CNTNAP2: variants seen among roughly 807,000 people sequenced by gnomAD.
The protein encoded by CNTNAP2 is contactin associated protein 2.
CNTNAP2 carries 98 observed loss-of-function variants against 155.2 expected under a neutral mutation model. The observed-to-expected ratio is 0.63, with a 90% CI of 0.54 to 0.75. The LOEUF is 0.75. CNTNAP2 is among the 30% of genes least tolerant of loss of function. The pLI, the probability that CNTNAP2 is intolerant of heterozygous loss-of-function variation, is 0.00. For synonymous variants in CNTNAP2, 651 were observed against 631.2 expected, an observed-to-expected ratio of 1.03 and a Z score of -0.47; for missense variants, 1,727 against 1,688.1, an observed-to-expected ratio of 1.02 and a Z score of -0.40.
intron 1 of CNTNAP2, among the ~76,000 whole-genome samples, chr7:146,377,552 A>G (rs573960139): frequency 6.6e-6 from 1 of 152,082 alleles, no homozygotes; most frequent in African/African-American, 2.4e-5. Flanking sequence ...GTCTAATGAG[A>G]ATCTGAAACA....
rs1799363702 is a variant in CNTNAP2, at chr7:146,623,268, C to T, written c.98-151003C>T. The stretch of plus-strand genomic sequence containing the variant: ...CACATTCTGCCTTCTGACATGTGAT[C>T]CTGACTTCCTGCATACGTTTTAAAG... On this transcript the variant is annotated intron_variant, in intron 1 of 23. Coordinates refer to ENST00000361727, the MANE Select transcript of CNTNAP2 (RefSeq NM_014141.6). 2.6e-5 allele frequency among the ~76,000 whole-genome samples: 4 copies of T among 152,102 alleles called. No individual in the cohort carries two copies. In the South Asian group the frequency reaches 8.3e-4, roughly 32 times the overall value.
chr7:148,309,118 T>C (rs1345246231), intron 21 of CNTNAP2, among the ~76,000 whole-genome samples: 1 of 152,192 alleles, frequency 6.6e-6, no homozygotes, highest in African/African-American at 2.4e-5. Flanking sequence ...GGTCAAATGG[T>C]ATTTCTGGTT....
intron 13 of CNTNAP2, among the ~76,000 whole-genome samples, chr7:147,810,881 C>T (rs562844511): frequency 3.9e-4 from 60 of 152,196 alleles, no homozygotes; most frequent in African/African-American, 1.3e-3. Context: ...AAGCAAGAAC[C>T]GGGGTTCCTC....
At chr7:146,700,153 C>T (rs1800851151) in intron 1 of CNTNAP2, among the ~76,000 whole-genome samples, 1 of 152,058 alleles carries the variant, frequency 6.6e-6, no homozygotes, top group Non-Finnish European at 1.5e-5. Flanking sequence ...GTTTTCATCC[C>T]TCAAACTAGT....
intron 1 of CNTNAP2, among the ~76,000 whole-genome samples, chr7:146,474,990 C>T (rs114498659): frequency 0.012 from 1,761 of 141,512 alleles, 31 homozygotes; most frequent in African/African-American, 0.046. Flanking sequence ...TGCCTGAGCA[C>T]GAGCGCGCAC....
chr7:147,547,601 GTT>G (rs750104043), intron 11 of CNTNAP2, among the ~76,000 whole-genome samples: 3 of 148,202 alleles, frequency 2.0e-5, no homozygotes, highest in Non-Finnish European at 4.5e-5. Context: ...TTTTATTTTT[GTT>G]TTTTTGTTTT....
At chr7:146,596,645 G>T (rs1419324974) in intron 1 of CNTNAP2, among the ~76,000 whole-genome samples, 3 of 146,134 alleles carry the variant, frequency 2.1e-5, no homozygotes, top group Non-Finnish European at 4.5e-5. Flanking sequence ...GAGAGAAATT[G>T]TTGAGGGGCT....
intron 1 of CNTNAP2, among the ~76,000 whole-genome samples, chr7:146,175,098 C>T (rs746356702): frequency 1.4e-4 from 21 of 152,128 alleles, no homozygotes; most frequent in South Asian, 4.2e-4. Flanking sequence ...CTGAAACCAG[C>T]TGTTAGAGGA....
At chr7:146,452,362 C>G (rs559827125) in intron 1 of CNTNAP2, among the ~76,000 whole-genome samples, 2 of 152,238 alleles carry the variant, frequency 1.3e-5, no homozygotes, top group East Asian at 3.9e-4. Flanking sequence ...AGTACATAAT[C>G]TATGACATGT....
intron 9 of CNTNAP2, among the ~76,000 whole-genome samples, chr7:147,361,375 C>G (rs962253360): frequency 2.0e-5 from 3 of 152,260 alleles, no homozygotes; most frequent in African/African-American, 4.8e-5. Flanking sequence ...GCATGCTTTG[C>G]AATTTTCAAC....
chr7:148,285,002 G>C (rs1422652045), intron 21 of CNTNAP2, among the ~76,000 whole-genome samples: 5 of 152,200 alleles, frequency 3.3e-5, no homozygotes, highest in Admixed American at 3.3e-4. Flanking sequence ...AGGAAGAATA[G>C]AGCAGTTGTA....
intron 17 of CNTNAP2, among the ~76,000 whole-genome samples, chr7:148,148,269 C>CT (rs1805232930): frequency 6.6e-6 from 1 of 152,284 alleles, no homozygotes; most frequent in Admixed American, 6.5e-5. Flanking sequence ...AAAAGTTAAA[C>CT]TACCTATGCA....
chr7:147,993,002 G>T (rs1801742492), intron 15 of CNTNAP2, among the ~76,000 whole-genome samples: 1 of 152,130 alleles, frequency 6.6e-6, no homozygotes, highest in Non-Finnish European at 1.5e-5. Flanking sequence ...CTTAAAAGAT[G>T]GCCTTTCATT....
intron 10 of CNTNAP2, among the ~76,000 whole-genome samples, chr7:147,403,105 G>A (rs1415099290): frequency 1.3e-5 from 2 of 152,104 alleles, no homozygotes; most frequent in Non-Finnish European, 2.9e-5. Context: ...GCTTCATCTG[G>A]ATGATCAAAG....
At chr7:147,787,929 C>T (rs759691007) in intron 13 of CNTNAP2, among the ~76,000 whole-genome samples, 17 of 152,264 alleles carry the variant, frequency 1.1e-4, no homozygotes, top group Middle Eastern at 3.4e-3. Context: ...AAATAAGTGA[C>T]TAAAGATGGG....
chr7:146,168,872 A>T (rs2116814915), intron 1 of CNTNAP2, among the ~76,000 whole-genome samples: 1 of 152,292 alleles, frequency 6.6e-6, no homozygotes, highest in Non-Finnish European at 1.5e-5. Flanking sequence ...TGTCCATTTC[A>T]CTCAGGATAC....
At chr7:146,333,560 T>C (rs1207708978) in intron 1 of CNTNAP2, among the ~76,000 whole-genome samples, 1 of 152,330 alleles carries the variant, frequency 6.6e-6, no homozygotes, top group African/African-American at 2.4e-5. Context: ...CATGTTTTTA[T>C]GTAAGGAGAG....
chr7:147,160,748 A>C (rs895830873), intron 8 of CNTNAP2, among the ~76,000 whole-genome samples: 1 of 152,128 alleles, frequency 6.6e-6, no homozygotes, highest in Admixed American at 6.6e-5. Context: ...TGTAATATTT[A>C]AGCTAAAATA....
At chr7:147,683,381 A>C (rs1795974919) in intron 13 of CNTNAP2, among the ~76,000 whole-genome samples, 1 of 151,850 alleles carries the variant, frequency 6.6e-6, no homozygotes, top group African/African-American at 2.4e-5. Context: ...TATGTGTGTA[A>C]ATAAAATTCA....
Sources: allele counts gnomAD v4.1 joint callset (sites outside exome capture counted in the v4.1 genomes callset), GRCh38; gene constraint gnomAD v4.1.1; transcripts MANE v1.5; gene names NCBI Gene and HGNC (gene_info 2026-07-23, HGNC 2026-07-21).